Variants in SPAG6 observed in about 807,000 individuals in gnomAD.
SPAG6 encodes the protein sperm associated antigen 6.
Under a neutral mutation model 58.5 loss-of-function variants are expected in SPAG6, and 49 were observed. The observed-to-expected ratio is 0.84, with a 90% CI of 0.67 to 1.06. The LOEUF (loss-of-function observed/expected upper bound fraction) is 1.06. Ranked by LOEUF, SPAG6 falls within the 50% of genes least tolerant of loss-of-function variation. The pLI is 0.00. For synonymous variants in SPAG6, 233 were observed against 225.6 expected, an observed-to-expected ratio of 1.03 and a Z score of -0.29; for missense variants, 560 against 611.3, an observed-to-expected ratio of 0.92 and a Z score of 0.89.
chr10:22,345,913 C>T lies in SPAG6; in HGVS notation c.121+95C>T. The stretch of plus-strand genomic sequence containing the variant: ...TGCCCGTGGAGCTCTTGGGGAGCCG[C>T]AGTGTGGGGACCGGAGTTCGCAAAA... On this transcript the variant is annotated intron_variant, in intron 2 of 10. Coordinates refer to ENST00000376624, the MANE Select transcript of SPAG6 (RefSeq NM_012443.4). This position sits in a 1 kb window ranked among gnomAD's most constrained non-coding sequence, Gnocchi z 6.3. 1.3e-6 allele frequency: 2 copies of T among 1,575,288 alleles called. No individual in the cohort carries two copies. The highest frequency in any genetic ancestry group is 1.7e-4 in the Middle Eastern group (1 of 6,020).
At chr10:22,416,586 C>A (rs1162439505) in intron 10 of SPAG6, 33 bp from the exon 11 acceptor site, 1 of 1,350,542 alleles carries the variant, frequency 7.4e-7, no homozygotes, top group African/African-American at 1.4e-5. Flanking sequence ...TTGATCGTTT[C>A]ACCAGCATTT....
intron 2 of SPAG6, among the ~76,000 whole-genome samples, chr10:22,356,961 T>G (rs1836886520): frequency 6.6e-6 from 1 of 152,224 alleles, no homozygotes; most frequent in African/African-American, 2.4e-5. Context: ...TATTGGATAC[T>G]TCAGGACTTT....
At chr10:22,363,429 A>C (rs900768412) in intron 2 of SPAG6, among the ~76,000 whole-genome samples, 4 of 152,186 alleles carry the variant, frequency 2.6e-5, no homozygotes, top group Non-Finnish European at 5.9e-5. Flanking sequence ...CTATGACCCA[A>C]GTGTGGGCAG....
chr10:22,406,875 C>T (rs530430996), intron 9 of SPAG6, among the ~76,000 whole-genome samples: 6 of 151,450 alleles, frequency 4.0e-5, no homozygotes, highest in African/African-American at 1.2e-4. Context: ...TGAATTGATC[C>T]CTTTACCATT....
Position 22,416,630 on chromosome 10 carries a change from C to T in SPAG6, c.1472C>T (p.Pro491Leu). The change falls in exon 11 of 11, where the codon CCT (proline) becomes CTT (leucine). Residue 491 changes from proline (P) to leucine (L), a missense_variant. Pro to Leu is a moderately conservative substitution (Grantham distance 98, BLOSUM62 -3). Transcript: ENST00000376624. ...ATTTTCTTTTTCAGGTATTATTCCCCTGGATATTCAGATACACTTCTGCAG... is the reference window on the plus strand; with the variant it reads ...ATTTTCTTTTTCAGGTATTATTCCCTTGGATATTCAGATACACTTCTGCAG... Reference protein sequence around the residue: ...YPEEIVRYYSPGYSDTLLQRV... With the variant: ...YPEEIVRYYSLGYSDTLLQRV... 6.2e-7 allele frequency: 1 copy of T among 1,604,838 alleles called. No homozygotes were observed. The highest frequency in any genetic ancestry group is 1.1e-5 in the South Asian group (1 of 90,780).
chr10:22,381,639 T>C lies in SPAG6; in HGVS notation c.473-5115T>C, dbSNP rs184132453. On this transcript the variant is annotated intron_variant, in intron 4 of 10. Transcript: ENST00000376624. ...CTAGCCGTGACATAATTGAGAGAGGTTGCAGTCACTGGGGCACTATTAAAG... is the reference window on the plus strand; with the variant it reads ...CTAGCCGTGACATAATTGAGAGAGGCTGCAGTCACTGGGGCACTATTAAAG... Among the ~76,000 whole-genome samples the C allele has an allele frequency of 5.9e-5, 9 of 152,030 alleles. No homozygotes were observed. In the East Asian group the frequency reaches 9.7e-4, roughly 16 times the overall value.
intron 2 of SPAG6, among the ~76,000 whole-genome samples, chr10:22,351,061 A>G (rs1384367934): frequency 6.6e-6 from 1 of 152,214 alleles, no homozygotes; most frequent in Non-Finnish European, 1.5e-5. Context: ...GGAATTCCTA[A>G]TAAACCTTGG....
chr10:22,351,808 C>G (rs1836734220), intron 2 of SPAG6, among the ~76,000 whole-genome samples: 1 of 152,046 alleles, frequency 6.6e-6, no homozygotes, highest in Non-Finnish European at 1.5e-5. Context: ...CTTGATTTTC[C>G]CATATGATCC....
intron 4 of SPAG6, among the ~76,000 whole-genome samples, chr10:22,371,784 G>A (rs762516553): frequency 2.6e-5 from 4 of 152,120 alleles, no homozygotes; most frequent in Non-Finnish European, 5.9e-5. Flanking sequence ...GAGAGAAGCC[G>A]ATGGGCATTA....
chr10:22,364,985 T>G lies in SPAG6; in HGVS notation c.254T>G (p.Leu85Arg), dbSNP rs765300196. Reference protein sequence around the residue: ...LAEAVVKCDILPQLVYSLAEQ... With the variant: ...LAEAVVKCDIRPQLVYSLAEQ... ...GAAGCTGTTGTGAAGTGCGACATTC[T>G]TCCACAGCTTGTTTATTCATTGGCA... The change falls in exon 3 of 11, where the codon CTT (leucine) becomes CGT (arginine). Residue 85 changes from leucine to arginine, a missense_variant. Coordinates refer to ENST00000376624, the MANE Select transcript of SPAG6 (RefSeq NM_012443.4). The G allele has an allele frequency of 6.2e-7, 1 of 1,610,204 alleles. No homozygotes were observed. Among genetic ancestry groups the G allele is most frequent in the South Asian group, 1.1e-5 (1 of 90,000 alleles).
intron 2 of SPAG6, among the ~76,000 whole-genome samples, chr10:22,362,447 A>G (rs1837071631): frequency 6.6e-6 from 1 of 152,014 alleles, no homozygotes; most frequent in African/African-American, 2.4e-5. Context: ...TATTATAAAA[A>G]ATATGAAGTA....
Position 22,411,178 on chromosome 10 carries a change from T to C in SPAG6, c.1460+2T>C, listed in dbSNP as rs1834724972. ...TTGTTACCCCGAGGAAATAGTGAGG[T>C]GGGGAAAATGGACTTTGAAACGTTC... On this transcript the variant is annotated splice_donor_variant, in intron 10 of 10. Coordinates refer to ENST00000376624, the MANE Select transcript of SPAG6 (RefSeq NM_012443.4). LOFTEE classifies it high-confidence loss of function. 3 of 1,600,354 alleles carry C rather than the reference T, an allele frequency of 1.9e-6. No individual in the cohort carries two copies. Among genetic ancestry groups the C allele is most frequent in the Non-Finnish European group, 2.6e-6 (3 of 1,174,610 alleles).
At chr10:22,352,980 A>G (rs1372160968) in intron 2 of SPAG6, among the ~76,000 whole-genome samples, 2 of 152,202 alleles carry the variant, frequency 1.3e-5, no homozygotes, top group Admixed American at 6.5e-5. Flanking sequence ...TGCAGCAGCT[A>G]TCTTCAACCT....
chr10:22,377,483 A>G (rs1228983093), intron 4 of SPAG6, among the ~76,000 whole-genome samples: 1 of 152,224 alleles, frequency 6.6e-6, no homozygotes, highest in Non-Finnish European at 1.5e-5. Context: ...ATTATACTGT[A>G]TAATAGCAAA....
At chr10:22,409,750 A>C (rs1307340332) in intron 9 of SPAG6, among the ~76,000 whole-genome samples, 1 of 151,976 alleles carries the variant, frequency 6.6e-6, no homozygotes, top group Non-Finnish European at 1.5e-5. Flanking sequence ...TTGTGACCCC[A>C]CCCCTTCCCC....
chr10:22,367,831 G>C (rs1837239953), intron 3 of SPAG6, among the ~76,000 whole-genome samples: 1 of 151,558 alleles, frequency 6.6e-6, no homozygotes, highest in Admixed American at 6.6e-5. Flanking sequence ...TTTACAAAAT[G>C]GTAAGTAATT....
chr10:22,400,734 A>G (rs371370265), intron 8 of SPAG6, among the ~76,000 whole-genome samples: 1 of 152,216 alleles, frequency 6.6e-6, no homozygotes, highest in African/African-American at 2.4e-5. Context: ...CATGGAGAAT[A>G]TAGAATGCCT....
chr10:22,390,473 G>A (rs1488844388), intron 7 of SPAG6, among the ~76,000 whole-genome samples: 1 of 152,116 alleles, frequency 6.6e-6, no homozygotes, highest in Non-Finnish European at 1.5e-5. Flanking sequence ...TGAAACTCCA[G>A]CAGTTTCGGG....
chr10:22,393,451 TA>T (rs754833851), intron 8 of SPAG6, among the ~76,000 whole-genome samples: 1 of 152,334 alleles, frequency 6.6e-6, no homozygotes, highest in East Asian at 1.9e-4. Context: ...TCTTGCCTTT[TA>T]ATAAATTATT....
Sources: gnomAD v4.1 joint callset for allele counts (sites outside exome capture counted in the v4.1 genomes callset) on GRCh38, gnomAD v4.1.1 for gene constraint, Gnocchi (gnomAD v3.1) non-coding constraint, MANE v1.5 for transcripts, NCBI Gene and HGNC (gene_info 2026-07-23, HGNC 2026-07-21) for gene names.